Variants in AGRN observed in about 807,000 individuals in gnomAD.
AGRN encodes the protein agrin, also known as agrin proteoglycan.
In AGRN, 106 loss-of-function variants were observed where a neutral mutation model predicts 211.0. The ratio of observed to expected loss-of-function variants is 0.50; its 90% CI spans 0.43 to 0.59. The LOEUF (loss-of-function observed/expected upper bound fraction) is 0.59. Ranked by LOEUF, AGRN falls within the 20% of genes least tolerant of loss-of-function variation. The pLI is 0.00. For missense variants in AGRN, 3,040 were observed against 2,982.6 expected, an observed-to-expected ratio of 1.02 and a Z score of -0.45; for synonymous variants, 1,525 against 1,332.5, an observed-to-expected ratio of 1.14 and a Z score of -3.15.
At chr1:1,046,135 T>C in intron 16 of AGRN, 25 bp from the exon 17 acceptor site, 1 of 1,613,916 alleles carries the variant, frequency 6.2e-7, no homozygotes, top group Non-Finnish European at 8.5e-7. Context: ...GGCCTCGCCT[T>C]GAACATCCTT....
At chr1:1,030,813 A>T (rs199553899) in intron 2 of AGRN, among the ~76,000 whole-genome samples, 1 of 38,678 alleles carries the variant, frequency 2.6e-5, no homozygotes, top group East Asian at 1.1e-3. Context: ...TGAGATCAGC[A>T]TGTGTGTGTG....
chr1:1,055,007 T>C lies in AGRN; in HGVS notation c.*26T>C. ...GCTGGCACCAGAGCCCCGCGCCCGC[T>C]GTAATTATTTTCTATTTTTGTAAAC... On this transcript the variant is annotated 3_prime_UTR_variant, in exon 36 of 36. Transcript: ENST00000379370. 1 of 1,545,506 alleles carries C rather than the reference T, an allele frequency of 6.5e-7. No individual in the cohort carries two copies. Among genetic ancestry groups the C allele is most frequent in the Non-Finnish European group, 8.7e-7 (1 of 1,146,624 alleles).
At chr1:1,053,038 G>A (rs1245994875) in intron 33 of AGRN, 2 of 198,142 alleles carry the variant, frequency 1.0e-5, no homozygotes, top group South Asian at 8.3e-5. Flanking sequence ...AACATGGAGG[G>A]GTGTGTGTGT....
intron 2 of AGRN, among the ~76,000 whole-genome samples, chr1:1,033,849 C>T (rs1644733983): frequency 6.7e-6 from 1 of 149,998 alleles, no homozygotes; most frequent in Non-Finnish European, 1.5e-5. Flanking sequence ...CCCCCGGCCC[C>T]GCCTGCCCGG....
chr1:1,054,817 G>C lies in AGRN; in HGVS notation c.5981-7G>C. ...CAGCCGGGTGACTCCCACTGTCTGTGCTGCAGGGGGCCTGCCGGAGCTGCC... is the reference window on the plus strand; with the variant it reads ...CAGCCGGGTGACTCCCACTGTCTGTCCTGCAGGGGGCCTGCCGGAGCTGCC... On this transcript the variant is annotated splice_polypyrimidine_tract_variant and splice_region_variant and intron_variant, in intron 35 of 35. Transcript: ENST00000379370. 6.4e-7 allele frequency: 1 copy of C among 1,553,892 alleles called. No homozygotes were observed. The highest frequency in any genetic ancestry group is 8.7e-7 in the Non-Finnish European group (1 of 1,151,676).
At chr1:1,033,190 G>T (rs1272889346) in intron 2 of AGRN, among the ~76,000 whole-genome samples, 1 of 152,032 alleles carries the variant, frequency 6.6e-6, no homozygotes, top group South Asian at 2.1e-4. Flanking sequence ...CCCCGCGCGG[G>T]AGTCGGGGGC....
intron 2 of AGRN, among the ~76,000 whole-genome samples, chr1:1,029,237 A>G (rs934400226): frequency 7.2e-5 from 11 of 152,174 alleles, no homozygotes; most frequent in Non-Finnish European, 1.2e-4. Flanking sequence ...GCGGGTGCCC[A>G]ACCAGAGTGT....
chr1:1,053,043 G>A (rs1049731872), intron 33 of AGRN: 1 of 199,924 alleles, frequency 5.0e-6, no homozygotes, highest in Admixed American at 5.5e-5. Context: ...GGAGGGGTGT[G>A]TGTGTCCGTG....
chr1:1,038,928 A>C (rs889290268), intron 3 of AGRN, among the ~76,000 whole-genome samples: 3 of 152,160 alleles, frequency 2.0e-5, no homozygotes, highest in Non-Finnish European at 2.9e-5. Context: ...TTGAGCCAGG[A>C]CGGGGGAAGG....
chr1:1,030,746 G>A (rs546204925), intron 2 of AGRN, among the ~76,000 whole-genome samples: 4 of 107,920 alleles, frequency 3.7e-5, no homozygotes, highest in Admixed American at 9.9e-5. Context: ...TGTGTGCAGC[G>A]CATGGTGCTG....
intron 2 of AGRN, among the ~76,000 whole-genome samples, chr1:1,033,021 A>G (rs1455135268): frequency 6.6e-6 from 1 of 151,992 alleles, no homozygotes; most frequent in Admixed American, 6.5e-5. Context: ...ACTACGCGTC[A>G]GGAGTCCCAG....
intron 33 of AGRN, 84 bp downstream of exon 33, chr1:1,051,899 G>A (rs1425984306): frequency 3.2e-6 from 5 of 1,569,016 alleles, no homozygotes; most frequent in Non-Finnish European, 4.3e-6. Context: ...GAGGGCCCAG[G>A]AGGGGACGGC....
At chr1:1,044,768 G>T (rs1645044125) in intron 12 of AGRN, among the ~76,000 whole-genome samples, 1 of 152,220 alleles carries the variant, frequency 6.6e-6, no homozygotes, top group South Asian at 2.1e-4. Context: ...GTGGTGCCCG[G>T]TGTGTGTGAT....
At chr1:1,020,485 C>G in intron 1 of AGRN, 112 bp downstream of exon 1, 1 of 1,075,776 alleles carries the variant, frequency 9.3e-7, no homozygotes. Context: ...CGCTCCGGCT[C>G]CCTTGGCGAC....
chr1:1,038,790 ATT>A (rs1459971308), intron 3 of AGRN, among the ~76,000 whole-genome samples: 4 of 152,172 alleles, frequency 2.6e-5, no homozygotes, highest in African/African-American at 9.7e-5. Flanking sequence ...TGCCCGTTGG[ATT>A]TGGACTGGGA....
chr1:1,035,182 G>T (rs1644772893), intron 2 of AGRN, 95 bp from the exon 3 acceptor site: 20 of 938,238 alleles, frequency 2.1e-5, no homozygotes, highest in South Asian at 1.0e-4. Context: ...GGGGGGGGGG[G>T]TGGGCAGGGG....
intron 14 of AGRN, 84 bp from the exon 15 acceptor site, chr1:1,045,649 C>T (rs1014109902): frequency 6.2e-7 from 1 of 1,609,920 alleles, no homozygotes; most frequent in Non-Finnish European, 8.5e-7. Context: ...CTGGGCAGAG[C>T]CAGGGTTGGG....
At position 1,049,584 on chromosome 1, in the gene AGRN, C is replaced by G. The variant is rs748416413; in HGVS notation, c.4533C>G (p.Phe1511Leu). ...DQAAVALERT[F>L]VGAGLRGCIR... is the part of the protein sequence containing the mutation. ...GTGGCAGGGCGCTGGAGCGGACCTTCGTGGGCGCCGGCCTGAGGGGGTGCA... is the reference window on the plus strand; with the variant it reads ...GTGGCAGGGCGCTGGAGCGGACCTTGGTGGGCGCCGGCCTGAGGGGGTGCA... Residue 1511 changes from phenylalanine to leucine, a missense_variant, in exon 26 of 36, where the codon TTC (phenylalanine) becomes TTG (leucine). Coordinates refer to ENST00000379370, the MANE Select transcript of AGRN (RefSeq NM_198576.4). 2 of 1,589,980 alleles carry G rather than the reference C, an allele frequency of 1.3e-6. No homozygotes were observed. Among genetic ancestry groups the G allele is most frequent in the East Asian group, 2.3e-5 (1 of 43,782 alleles).
Position 1,049,676 on chromosome 1 carries a change from G to A in AGRN, c.4625G>A (p.Gly1542Asp). 3.8e-6 allele frequency: 6 copies of A among 1,575,676 alleles called. No individual in the cohort carries two copies. The highest frequency in any genetic ancestry group is 2.3e-5 in the East Asian group (1 of 43,006). ...ATTGGGCCGGGGGCTGCCACCCGAG[G>A]CTCTGGCGTGGGCGAGTGCGGGGAC... The part of the protein sequence containing the change: ...LGIGPGAATR[G>D]SGVGECGDHP... Residue 1542 changes from glycine (G) to aspartate (D), a missense_variant, in exon 26 of 36, where the codon GGC (glycine) becomes GAC (aspartate). Physicochemically the swap from Gly to Asp is moderately conservative, Grantham distance 94 (BLOSUM62 -1). Transcript: ENST00000379370.
Sources: gnomAD v4.1 joint callset for allele counts (sites outside exome capture counted in the v4.1 genomes callset) on GRCh38, gnomAD v4.1.1 for gene constraint, MANE v1.5 for transcripts, NCBI Gene and HGNC (gene_info 2026-07-23, HGNC 2026-07-21) for gene names.